GRM4: variants seen among roughly 807,000 people sequenced by gnomAD.
The protein encoded by GRM4 is glutamate metabotropic receptor 4.
A neutral mutation model predicts 81.7 loss-of-function variants in GRM4; 28 were observed. The ratio of observed to expected loss-of-function variants is 0.34; its 90% CI spans 0.25 to 0.47. GRM4 has a LOEUF of 0.47. GRM4 is among the 20% of genes least tolerant of loss of function. The pLI is 1.00. For missense variants in GRM4, 948 were observed against 1,290.0 expected, an observed-to-expected ratio of 0.73 and a Z score of 4.06; for synonymous variants, 488 against 528.8, an observed-to-expected ratio of 0.92 and a Z score of 1.06.
intron 2 of GRM4, chr6:34,099,915 C>T: frequency 1.4e-5 from 4 of 279,846 alleles, no homozygotes; most frequent in Non-Finnish European, 2.2e-5. Context: ...CCCCAACACC[C>T]GCCAGAGCCA....
intron 9 of GRM4, among the ~76,000 whole-genome samples, chr6:34,031,932 T>G (rs539109876): frequency 6.6e-6 from 1 of 152,008 alleles, no homozygotes; most frequent in African/African-American, 2.4e-5. Flanking sequence ...AGCTGCACAT[T>G]TGCATCTGAC....
At chr6:34,147,474 G>A (rs572949161), upstream of GRM4, among the ~76,000 whole-genome samples, 2 of 152,328 alleles carry the variant, frequency 1.3e-5, no homozygotes, top group Non-Finnish European at 2.9e-5. Flanking sequence ...CAGCCTGCCT[G>A]GGTTCAAACC....
rs1768247136 is a variant in GRM4 at position 34,091,947 on chromosome 6, C to T, written c.672G>A (p.Val224=). The T allele has an allele frequency of 6.2e-7, 1 of 1,614,182 alleles. No homozygotes were observed. Among genetic ancestry groups the T allele is most frequent in the East Asian group, 2.2e-5 (1 of 44,892 alleles). Residue 224 remains valine (V), a synonymous_variant, in exon 3 of 11, where the codon GTG becomes GTA. Coordinates refer to ENST00000538487, the MANE Select transcript of GRM4 (RefSeq NM_000841.4). ...RALKWNYVST[V]ASEGSYGESG... Reference sequence around the variant, plus strand: ...TCTCACCATAGCTGCCCTCCGAGGCCACTGTGGACACATAGTTCCACTTGA... The same window carrying T: ...TCTCACCATAGCTGCCCTCCGAGGCTACTGTGGACACATAGTTCCACTTGA...
chr6:34,123,023 G>A lies in GRM4; in HGVS notation c.519+9955C>T, dbSNP rs192681269. ...ACAGAGCATGACGGGGTGAGGGGGA[G>A]CAGGGTCACCTCAGAGCCTCAAAGC... is the stretch of plus-strand genomic sequence containing the variant. On this transcript the variant is annotated intron_variant, in intron 2 of 10. Transcript: ENST00000538487. Among the ~76,000 whole-genome samples the A allele has an allele frequency of 8.5e-5, 13 of 152,286 alleles. No homozygotes were observed. In the East Asian group the frequency reaches 2.1e-3, roughly 25 times the overall value.
chr6:34,027,979 G>T lies in GRM4; in HGVS notation c.2689+141C>A, dbSNP rs1581582219. The T allele has an allele frequency of 3.5e-5, 32 of 917,922 alleles. No homozygotes were observed. In the East Asian group the frequency reaches 8.2e-4, roughly 24 times the overall value. 56.9% of individuals were successfully genotyped at this position (917,922 alleles called of 1,614,324 possible). On this transcript the variant is annotated intron_variant, in intron 10 of 10. Coordinates refer to ENST00000538487, the MANE Select transcript of GRM4 (RefSeq NM_000841.4). ...GCTGGCTCCCACCTGTAGCCTCAGG[G>T]TTCCCCCAGTGTCCCCCGCCGCCTC... is the stretch of plus-strand genomic sequence containing the variant.
chr6:34,093,054 T>C (rs892170760), intron 2 of GRM4, among the ~76,000 whole-genome samples: 2 of 152,132 alleles, frequency 1.3e-5, no homozygotes, highest in African/African-American at 4.8e-5. Context: ...CTCTGCCCGC[T>C]CAGTTGTCCA....
intron 6 of GRM4, among the ~76,000 whole-genome samples, chr6:34,044,355 T>C (rs1179030113): frequency 4.1e-5 from 6 of 146,038 alleles, no homozygotes; most frequent in African/African-American, 1.5e-4. Context: ...CATACACATA[T>C]ATACACAGAC....
chr6:34,079,600 A>G (rs114304600), intron 3 of GRM4, among the ~76,000 whole-genome samples: 270 of 152,286 alleles, frequency 1.8e-3, no homozygotes, highest in African/African-American at 4.8e-3. Flanking sequence ...CTCAGCATCC[A>G]TAAGACTTGC....
chr6:34,138,637 C>T (rs944995593), intron 1 of GRM4, among the ~76,000 whole-genome samples: 1 of 152,212 alleles, frequency 6.6e-6, no homozygotes, highest in Non-Finnish European at 1.5e-5. Flanking sequence ...GGACAGGAAT[C>T]GGGTTGTCAG....
intron 3 of GRM4, among the ~76,000 whole-genome samples, chr6:34,084,763 C>T (rs1189162289): frequency 6.6e-6 from 1 of 152,226 alleles, no homozygotes; most frequent in African/African-American, 2.4e-5. Flanking sequence ...TGTTCATTCA[C>T]ACCTCCAGGC....
At chr6:34,031,194 G>A (rs1303858777) in intron 9 of GRM4, among the ~76,000 whole-genome samples, 1 of 152,166 alleles carries the variant, frequency 6.6e-6, no homozygotes, top group Non-Finnish European at 1.5e-5. Context: ...GCGGCCTTCG[G>A]GCTATGATCT....
chr6:34,126,292 G>A (rs938690407), intron 2 of GRM4, among the ~76,000 whole-genome samples: 2 of 152,220 alleles, frequency 1.3e-5, no homozygotes, highest in Admixed American at 6.5e-5. Context: ...GATAACAACT[G>A]TATACCTGCC....
At chr6:34,086,526 CAG>C (rs1767898508) in intron 3 of GRM4, among the ~76,000 whole-genome samples, 2 of 152,364 alleles carry the variant, frequency 1.3e-5, no homozygotes, top group South Asian at 4.1e-4. Flanking sequence ...CTGCCACACT[CAG>C]AGAGGCCATC....
chr6:34,083,557 G>A (rs9368792), intron 3 of GRM4, among the ~76,000 whole-genome samples: 93,029 of 152,024 alleles, frequency 0.61, 30,895 homozygotes, highest in Non-Finnish European at 0.74. Flanking sequence ...CAAGGGCAGC[G>A]GAAGGCAAGA....
At chr6:34,095,237 G>C (rs763598210) in intron 2 of GRM4, among the ~76,000 whole-genome samples, 30 of 152,136 alleles carry the variant, frequency 2.0e-4, no homozygotes, top group Non-Finnish European at 3.7e-4. Context: ...GCGGGTGAGG[G>C]AATCACAGGC....
intron 8 of GRM4, among the ~76,000 whole-genome samples, chr6:34,039,426 C>T (rs953145825): frequency 3.9e-5 from 6 of 152,188 alleles, no homozygotes; most frequent in African/African-American, 1.4e-4. Context: ...CCAGTCTATC[C>T]ACGGGGTCAC....
intron 2 of GRM4, among the ~76,000 whole-genome samples, chr6:34,126,416 C>A (rs950418035): frequency 1.1e-4 from 16 of 152,278 alleles, no homozygotes; most frequent in Middle Eastern, 3.4e-3. Context: ...TCAGCCCCCA[C>A]CCCCAACATT....
chr6:34,033,927 C>T (rs925250008), intron 9 of GRM4, among the ~76,000 whole-genome samples: 18 of 152,122 alleles, frequency 1.2e-4, no homozygotes, highest in Non-Finnish European at 2.4e-4. Flanking sequence ...TTGCTAGAGA[C>T]AGGGTTTCAC....
At chr6:34,138,251 G>A (rs1056227122) in intron 1 of GRM4, among the ~76,000 whole-genome samples, 1 of 152,150 alleles carries the variant, frequency 6.6e-6, no homozygotes. Context: ...TCAGGCCCGA[G>A]CCCCTTGGGG....
Sources: allele counts gnomAD v4.1 joint callset (sites outside exome capture counted in the v4.1 genomes callset), GRCh38; gene constraint gnomAD v4.1.1; transcripts MANE v1.5; gene names NCBI Gene and HGNC (gene_info 2026-07-23, HGNC 2026-07-21).